Variants in PDLIM3 observed in about 807,000 individuals in gnomAD.
The protein encoded by PDLIM3 is PDZ and LIM domain 3.
Under a neutral mutation model 37.3 loss-of-function variants are expected in PDLIM3, and 36 were observed. The observed-to-expected ratio is 0.97, with a 90% CI of 0.74 to 1.28. The LOEUF is 1.28. Ranked by LOEUF, PDLIM3 falls within the 50% of genes most tolerant of loss-of-function variation. The pLI is 0.00. For missense variants in PDLIM3, 454 were observed against 485.0 expected (o/e 0.94, Z 0.60); for synonymous variants, 174 against 182.4 (o/e 0.95, Z 0.37).
chr4:185,503,477 C>A (rs759907154), intron 7 of PDLIM3, among the ~76,000 whole-genome samples: 51 of 152,200 alleles, frequency 3.4e-4, no homozygotes, highest in Non-Finnish European at 6.5e-4. Flanking sequence ...GCTTATCCCC[C>A]ACTGCCTTCT....
chr4:185,533,962 G>A (rs1477898187), intron 1 of PDLIM3, among the ~76,000 whole-genome samples: 1 of 152,146 alleles, frequency 6.6e-6, no homozygotes, highest in Non-Finnish European at 1.5e-5. Context: ...ACATTTCTTA[G>A]TAGATATAAC....
In PDLIM3 at chr4:185,500,986, G is replaced by T. The variant is rs2095686327; in HGVS notation, c.*1308C>A. ...GGGTCTGAGGGTCCCCACCCTGCTGGTTCCCCATGGTTTGAACCTGAGGGG... is the reference window on the plus strand; with the variant it reads ...GGGTCTGAGGGTCCCCACCCTGCTGTTTCCCCATGGTTTGAACCTGAGGGG... On this transcript the variant is annotated 3_prime_UTR_variant, in exon 8 of 8. Coordinates refer to ENST00000284767, the MANE Select transcript of PDLIM3 (RefSeq NM_014476.6). 6.6e-6 allele frequency: 1 copy of T among 152,310 alleles called. No individual in the cohort carries two copies. Among genetic ancestry groups the T allele is most frequent in the Admixed American group, 6.5e-5 (1 of 15,278 alleles). 9.4% of individuals were successfully genotyped at this position (152,310 alleles called of 1,614,324 possible). A position where few individuals can be genotyped will look rare whatever the true frequency, so the allele number is the denominator to read the frequency against.
chr4:185,525,108 C>T lies in PDLIM3; in HGVS notation c.157G>A (p.Asp53Asn). ...GTCATGGACTCTGTCCCAAAGCCGT[C>T]AATAGCCAGGATGACATCTCCAGGA... ...LCPGDVILAI[D>N]GFGTESMTHA... The change falls in exon 2 of 8, where the codon GAC becomes AAC. Residue 53 changes from aspartate to asparagine, a missense_variant. Physicochemically the swap from Asp to Asn is conservative, Grantham distance 23 (BLOSUM62 1). Transcript: ENST00000284767. The T allele has an allele frequency of 6.2e-7, 1 of 1,614,194 alleles. No individual in the cohort carries two copies. The highest frequency in any genetic ancestry group is 2.2e-5 in the East Asian group (1 of 44,884).
At position 185,525,005 on chromosome 4, in the gene PDLIM3, T is replaced by A; in HGVS notation, c.245+15A>T. On this transcript the variant is annotated intron_variant, in intron 2 of 7. Transcript: ENST00000284767. ...CAAAACAGATCAGATTTAAGCACCA[T>A]TAGTTAAGAAGCACCTGTCAATTTT... 1 of 1,613,192 alleles carries A rather than the reference T, an allele frequency of 6.2e-7. No individual in the cohort carries two copies. The highest frequency in any genetic ancestry group is 8.5e-7 in the Non-Finnish European group (1 of 1,179,192).
chr4:185,530,971 CACACACACACACACACAT>C (rs58306949), intron 1 of PDLIM3, among the ~76,000 whole-genome samples: 2,797 of 21,800 alleles, frequency 0.13, 80 homozygotes, highest in African/African-American at 0.3. Flanking sequence ...CATAGAAACA[CACACACACACACACACAT>C]ACACACACAC....
intron 7 of PDLIM3, among the ~76,000 whole-genome samples, chr4:185,503,266 A>C (rs1424640425): frequency 6.6e-6 from 1 of 152,082 alleles, no homozygotes; most frequent in East Asian, 1.9e-4. Flanking sequence ...CAAAACAAAA[A>C]ACCAGATCAA....
At position 185,514,520 on chromosome 4, in the gene PDLIM3, G is replaced by T; in HGVS notation, c.331-183C>A. ...AACCATCTATCCGCTAAACGGTCAG[G>T]CACTGGCGGATTGGACCCCACAACA... On this transcript the variant is annotated intron_variant, in intron 3 of 7. Transcript: ENST00000284767. The surrounding 1 kb of genome is among the most constrained non-coding windows in gnomAD (Gnocchi z 4.0). 7.4e-7 allele frequency: 1 copy of T among 1,351,440 alleles called. No homozygotes were observed. Among genetic ancestry groups the T allele is most frequent in the Non-Finnish European group, 1.0e-6 (1 of 976,354 alleles). The allele number at this position is 1,351,440 out of a possible 1,614,324, so 83.7% of individuals were successfully genotyped here.
At position 185,531,009 on chromosome 4, in the gene PDLIM3, CACACACGT is replaced by C. The variant is rs1580269168; in HGVS notation, c.93+4325_93+4332del. On this transcript the variant is annotated intron_variant, in intron 1 of 7. Transcript: ENST00000284767. ...ACACATACACACACACACACACACA[CACACACGT>C]ATATATATATAGGGTTTGGTACTAA... Among the ~76,000 whole-genome samples the C allele has an allele frequency of 3.5e-5, 5 of 142,364 alleles. No homozygotes were observed. The East Asian group carries it at 6.2e-4, about 18-fold the overall frequency. The allele number at this position is 142,364 out of a possible 152,430, so 93.4% of individuals were successfully genotyped here.
intron 1 of PDLIM3, among the ~76,000 whole-genome samples, chr4:185,527,098 T>A (rs1228653760): frequency 6.6e-6 from 1 of 152,222 alleles, no homozygotes; most frequent in African/African-American, 2.4e-5. Context: ...TTAGAATAAT[T>A]GAAGAATCAA....
Position 185,506,638 on chromosome 4 carries a change from G to A in PDLIM3, c.677C>T (p.Ser226Leu), listed in dbSNP as rs747243505. 26 of 1,605,562 alleles carry A rather than the reference G, an allele frequency of 1.6e-5. No homozygotes were observed. In the Admixed American group the frequency reaches 2.2e-4, roughly 13 times the overall value. The change falls in exon 6 of 8, where the codon TCG (serine) becomes TTG (leucine). Residue 226 changes from serine to leucine, a missense_variant. By Grantham distance (145) the Ser-to-Leu change is moderately radical. Transcript: ENST00000284767. The part of the protein sequence containing the change: ...ETPLMSEPTA[S>L]VPPESDVYRM... ...GTACACGTCCGACTCGGGGGGCACC[G>A]AGGCTGTGGGCTCGCTGAAACACAG...
chr4:185,525,578 T>C (rs2095732369), intron 1 of PDLIM3, among the ~76,000 whole-genome samples: 1 of 152,224 alleles, frequency 6.6e-6, no homozygotes, highest in Non-Finnish European at 1.5e-5. Context: ...ATAGCAATCC[T>C]TACTATTTAT....
At chr4:185,513,978 G>A (rs1486490835) in intron 4 of PDLIM3, 2 of 1,277,198 alleles carry the variant, frequency 1.6e-6, no homozygotes, top group African/African-American at 3.0e-5. Context: ...CCGACTCAAA[G>A]GTCACAGTGT....
In PDLIM3 at chr4:185,535,495, C is replaced by T. The variant is rs897546164; in HGVS notation, c.-61G>A. On this transcript the variant is annotated 5_prime_UTR_variant, in exon 1 of 8. Coordinates refer to ENST00000284767, the MANE Select transcript of PDLIM3 (RefSeq NM_014476.6). ...CCCGCGCAGGGCAGCCACTCCGCGC[C>T]GGGCGGCGTCCTGGCCCCGACCCGG... is the stretch of plus-strand genomic sequence containing the variant. 4 of 1,440,572 alleles carry T rather than the reference C, an allele frequency of 2.8e-6. No individual in the cohort carries two copies. Among genetic ancestry groups the T allele is most frequent in the East Asian group, 2.7e-5 (1 of 37,020 alleles). The allele number at this position is 1,440,572 out of a possible 1,614,324, so 89.2% of individuals were successfully genotyped here. A position where few individuals can be genotyped will look rare whatever the true frequency, so the allele number is the denominator to read the frequency against.
intron 1 of PDLIM3, among the ~76,000 whole-genome samples, chr4:185,529,281 TTC>T (rs1199577389): frequency 2.0e-5 from 3 of 152,196 alleles, no homozygotes; most frequent in African/African-American, 7.2e-5. Flanking sequence ...CTCAGATGAT[TTC>T]TGTTATTCAC....
At chr4:185,519,063 C>T (rs994495277) in intron 3 of PDLIM3, among the ~76,000 whole-genome samples, 1 of 152,152 alleles carries the variant, frequency 6.6e-6, no homozygotes, top group Non-Finnish European at 1.5e-5. Context: ...CATTAACATA[C>T]TCTTAGTCAA....
rs948544034 is a variant in PDLIM3 at position 185,504,700 on chromosome 4, C to T, written c.794-114G>A. On this transcript the variant is annotated intron_variant, in intron 6 of 7. Coordinates refer to ENST00000284767, the MANE Select transcript of PDLIM3 (RefSeq NM_014476.6). This position sits in a 1 kb window ranked among gnomAD's most constrained non-coding sequence, Gnocchi z 4.7. ...TGAAGTTGCATCTGCACCGTCATTC[C>T]GAGAGGGGCAGGACTGATGCAATCA... 7 of 783,716 alleles carry T rather than the reference C, an allele frequency of 8.9e-6. No homozygotes were observed. Among genetic ancestry groups the T allele is most frequent in the South Asian group, 7.3e-5 (5 of 68,330 alleles). The allele number at this position is 783,716 out of a possible 1,614,324, so 48.5% of individuals were successfully genotyped here. A position where few individuals can be genotyped will look rare whatever the true frequency, so the allele number is the denominator to read the frequency against.
chr4:185,518,986 A>G (rs1327441642), intron 3 of PDLIM3, among the ~76,000 whole-genome samples: 1 of 152,126 alleles, frequency 6.6e-6, no homozygotes, highest in Non-Finnish European at 1.5e-5. Context: ...GAGTTGTTCC[A>G]CTAACATTAA....
At chr4:185,517,347 CTTTTTTT>C (rs11419562) in intron 3 of PDLIM3, 12 of 48,806 alleles carry the variant, frequency 2.5e-4, no homozygotes, top group South Asian at 1.0e-3. Context: ...TGGAGCTTAG[CTTTTTTT>C]TTTTTTTTTT....
chr4:185,504,686 C>T lies in PDLIM3; in HGVS notation c.794-100G>A. The T allele has an allele frequency of 1.1e-6, 1 of 882,306 alleles. No individual in the cohort carries two copies. The highest frequency in any genetic ancestry group is 1.8e-6 in the Non-Finnish European group (1 of 542,062). 54.7% of individuals were successfully genotyped at this position (882,306 alleles called of 1,614,324 possible). A position where few individuals can be genotyped will look rare whatever the true frequency, so the allele number is the denominator to read the frequency against. On this transcript the variant is annotated intron_variant, in intron 6 of 7. Coordinates refer to ENST00000284767, the MANE Select transcript of PDLIM3 (RefSeq NM_014476.6). The surrounding 1 kb of genome is among the most constrained non-coding windows in gnomAD (Gnocchi z 4.7). The stretch of plus-strand genomic sequence containing the variant: ...TGTGCACTTTAACCTGAAGTTGCAT[C>T]TGCACCGTCATTCCGAGAGGGGCAG...
Sources: gnomAD v4.1 joint callset for allele counts (sites outside exome capture counted in the v4.1 genomes callset) on GRCh38, gnomAD v4.1.1 for gene constraint, Gnocchi (gnomAD v3.1) non-coding constraint, MANE v1.5 for transcripts, NCBI Gene and HGNC (gene_info 2026-07-23, HGNC 2026-07-21) for gene names.